The following MARCHF6 variants were observed in gnomAD, a reference collection of about 807,000 sequenced individuals.
MARCHF6 encodes E3 ubiquitin-protein ligase MARCHF6.
A neutral mutation model predicts 133.7 loss-of-function variants in MARCHF6; 31 were observed. The ratio of observed to expected loss-of-function variants is 0.23; its 90% CI spans 0.17 to 0.31. The LOEUF (loss-of-function observed/expected upper bound fraction) is 0.31. MARCHF6 is among the 10% of genes least tolerant of loss of function. The probability of loss-of-function intolerance (pLI) is 1.00; values close to 1 mark genes in which losing one functional copy is unlikely to be tolerated. For synonymous variants in MARCHF6, 395 were observed against 402.5 expected (o/e 0.98, Z 0.22); for missense variants, 723 against 1,121.6 (o/e 0.64, Z 5.08).
chr5:10,401,003 G>A, intron 11 of MARCHF6, 161 bp downstream of exon 11: 1 of 586,210 alleles, frequency 1.7e-6, no homozygotes, highest in Non-Finnish European at 3.0e-6. Context: ...AATAACAGTG[G>A]CTCAAGAGAT....
chr5:10,363,829 A>T (rs756444304), intron 1 of MARCHF6, among the ~76,000 whole-genome samples: 1 of 152,226 alleles, frequency 6.6e-6, no homozygotes, highest in Non-Finnish European at 1.5e-5. Context: ...CATAAACATT[A>T]GGATAAGTGA....
At chr5:10,368,215 G>A (rs1736252878) in intron 1 of MARCHF6, among the ~76,000 whole-genome samples, 1 of 152,164 alleles carries the variant, frequency 6.6e-6, no homozygotes, top group South Asian at 2.1e-4. Context: ...TTGTATGTTT[G>A]TAATAGTCGT....
At chr5:10,408,026 G>A (rs1318204374) in intron 17 of MARCHF6, among the ~76,000 whole-genome samples, 8 of 144,576 alleles carry the variant, frequency 5.5e-5, no homozygotes, top group Admixed American at 5.0e-4. Flanking sequence ...CATCCTATAT[G>A]CTCTTTAGGG....
At chr5:10,362,501 G>A (rs1735887087) in intron 1 of MARCHF6, among the ~76,000 whole-genome samples, 1 of 152,134 alleles carries the variant, frequency 6.6e-6, no homozygotes, top group Non-Finnish European at 1.5e-5. Flanking sequence ...TGTAAAGATA[G>A]ATATTTACCA....
At chr5:10,382,271 G>C (rs568555387) in intron 4 of MARCHF6, among the ~76,000 whole-genome samples, 2 of 152,136 alleles carry the variant, frequency 1.3e-5, no homozygotes, top group African/African-American at 4.8e-5. Context: ...ACGGCCGGGC[G>C]CGGTGGCTTA....
chr5:10,438,681 A>G lies in MARCHF6; in HGVS notation c.*4997A>G, dbSNP rs1402047211. 2 of 152,212 alleles carry G rather than the reference A, an allele frequency of 1.3e-5. No homozygotes were observed. Among genetic ancestry groups the G allele is most frequent in the Non-Finnish European group, 2.9e-5 (2 of 68,042 alleles). 9.4% of individuals were successfully genotyped at this position (152,212 alleles called of 1,614,324 possible). On this transcript the variant is annotated 3_prime_UTR_variant, in exon 26 of 26. Coordinates refer to ENST00000274140, the MANE Select transcript of MARCHF6 (RefSeq NM_005885.4). ...ATTTAGTACTGTAGTTGAATGAGGTATGATGTCTCCCTTCAAGGAACTCAG... is the reference window on the plus strand; with the variant it reads ...ATTTAGTACTGTAGTTGAATGAGGTGTGATGTCTCCCTTCAAGGAACTCAG...
At chr5:10,417,942 A>C (rs1183490979) in intron 22 of MARCHF6, among the ~76,000 whole-genome samples, 1 of 152,118 alleles carries the variant, frequency 6.6e-6, no homozygotes, top group Non-Finnish European at 1.5e-5. Flanking sequence ...AGTCTTCTCT[A>C]ATACTTGAAA....
intron 25 of MARCHF6, among the ~76,000 whole-genome samples, chr5:10,430,505 C>G (rs1025440770): frequency 3.3e-5 from 5 of 151,932 alleles, no homozygotes; most frequent in Non-Finnish European, 5.9e-5. Flanking sequence ...AGGGTTTCAC[C>G]ATGTTGGCTA....
At chr5:10,388,455 T>A (rs372912076) in intron 5 of MARCHF6, among the ~76,000 whole-genome samples, 1 of 152,212 alleles carries the variant, frequency 6.6e-6, no homozygotes, top group African/African-American at 2.4e-5. Flanking sequence ...GTGCACTGTA[T>A]CAGTTATCTA....
At chr5:10,356,692 G>A (rs1332717162) in intron 1 of MARCHF6, among the ~76,000 whole-genome samples, 12 of 152,066 alleles carry the variant, frequency 7.9e-5, no homozygotes, top group Non-Finnish European at 1.5e-4. Context: ...TACCGTTCCT[G>A]GCCGGTTCTC....
intron 22 of MARCHF6, among the ~76,000 whole-genome samples, chr5:10,420,029 T>G (rs1443037661): frequency 6.7e-6 from 1 of 148,666 alleles, no homozygotes; most frequent in Non-Finnish European, 1.5e-5. Flanking sequence ...CAGTGATCAC[T>G]TAACAGTGTG....
In MARCHF6 at chr5:10,362,041, G is replaced by A. The variant is rs141271314; in HGVS notation, c.19+8124G>A. Reference sequence around the variant, plus strand: ...GCCTCCCAAAGTGCTGGGATTACAGGTGTGAGCCACTGTGCCTGGCTGTAA... The same window carrying A: ...GCCTCCCAAAGTGCTGGGATTACAGATGTGAGCCACTGTGCCTGGCTGTAA... On this transcript the variant is annotated intron_variant, in intron 1 of 25. Transcript: ENST00000274140. Among the ~76,000 whole-genome samples, 433 of 152,258 alleles carry A rather than the reference G, an allele frequency of 2.8e-3. 1 individual carries two copies. Among genetic ancestry groups the A allele is most frequent in the Middle Eastern group, 6.8e-3 (2 of 294 alleles).
intron 4 of MARCHF6, among the ~76,000 whole-genome samples, chr5:10,383,568 G>T (rs1737283177): frequency 1.3e-5 from 2 of 152,148 alleles, no homozygotes; most frequent in Non-Finnish European, 2.9e-5. Flanking sequence ...CTCAAAATTT[G>T]ATGTTTTTGA....
At chr5:10,385,366 A>G (rs991580159) in intron 4 of MARCHF6, among the ~76,000 whole-genome samples, 16 of 152,234 alleles carry the variant, frequency 1.1e-4, no homozygotes, top group Admixed American at 1.0e-3. Context: ...TGCTAGAAGA[A>G]TAGAAATAGG....
At chr5:10,396,287 C>T (rs1055864968) in intron 9 of MARCHF6, among the ~76,000 whole-genome samples, 3 of 152,022 alleles carry the variant, frequency 2.0e-5, no homozygotes, top group African/African-American at 7.3e-5. Context: ...GTGCATAGGA[C>T]ACAAGAGGGG....
At position 10,434,063 on chromosome 5, in the gene MARCHF6, T is replaced by C. The variant is rs558820628; in HGVS notation, c.*379T>C. The C allele has an allele frequency of 1.1e-5, 2 of 190,184 alleles. No homozygotes were observed. Among genetic ancestry groups the C allele is most frequent in the African/African-American group, 2.4e-5 (1 of 42,144 alleles). 11.8% of individuals were successfully genotyped at this position (190,184 alleles called of 1,614,324 possible). ...CAGAGCAGTAGTGCGCAGGCAAGACTTTTCAGTGACGCCTTGTGGAACGCA... is the reference window on the plus strand; with the variant it reads ...CAGAGCAGTAGTGCGCAGGCAAGACCTTTCAGTGACGCCTTGTGGAACGCA... On this transcript the variant is annotated 3_prime_UTR_variant, in exon 26 of 26. Coordinates refer to ENST00000274140, the MANE Select transcript of MARCHF6 (RefSeq NM_005885.4).
intron 15 of MARCHF6, 38 bp from the exon 16 acceptor site, chr5:10,405,520 A>G: frequency 1.3e-6 from 2 of 1,539,748 alleles, no homozygotes; most frequent in East Asian, 2.3e-5. Context: ...ATTTGAAGAC[A>G]TTGGTGAATA....
chr5:10,381,315 G>T (rs1204874847), intron 3 of MARCHF6, among the ~76,000 whole-genome samples: 1 of 152,224 alleles, frequency 6.6e-6, no homozygotes, highest in African/African-American at 2.4e-5. Context: ...ACAAATGTCA[G>T]TGGGATGTTT....
chr5:10,368,226 ACTTG>A (rs1441475741), intron 1 of MARCHF6, among the ~76,000 whole-genome samples: 2 of 152,226 alleles, frequency 1.3e-5, no homozygotes, highest in Admixed American at 6.5e-5. Flanking sequence ...TAATAGTCGT[ACTTG>A]CTTCATGTTT....
Sources: allele counts gnomAD v4.1 joint callset (sites outside exome capture counted in the v4.1 genomes callset), GRCh38; gene constraint gnomAD v4.1.1; transcripts MANE v1.5; gene names NCBI Gene and HGNC (gene_info 2026-07-23, HGNC 2026-07-21).